The following TRAPPC9 variants were observed in gnomAD, a reference collection of about 807,000 sequenced individuals.
TRAPPC9 encodes the protein IKK2 binding protein.
TRAPPC9 carries 83 observed loss-of-function variants against 124.0 expected under a neutral mutation model. The observed-to-expected ratio is 0.67, with a 90% CI of 0.56 to 0.80. The LOEUF is 0.80. Ranked by LOEUF, TRAPPC9 falls within the 30% of genes least tolerant of loss-of-function variation. The pLI, the probability that TRAPPC9 is intolerant of heterozygous loss-of-function variation, is 0.00. For synonymous variants in TRAPPC9, 638 were observed against 617.5 expected (o/e 1.03, Z -0.49); for missense variants, 1,302 against 1,508.3 (o/e 0.86, Z 2.27).
At chr8:140,025,179 C>A (rs1249549116) in intron 17 of TRAPPC9, among the ~76,000 whole-genome samples, 1 of 152,162 alleles carries the variant, frequency 6.6e-6, no homozygotes, top group Non-Finnish European at 1.5e-5. Flanking sequence ...CCTGGGGGCA[C>A]CCAGAGTAAC....
chr8:140,073,577 G>A (rs1843315297), intron 17 of TRAPPC9, among the ~76,000 whole-genome samples: 5 of 152,210 alleles, frequency 3.3e-5, no homozygotes, highest in Admixed American at 3.3e-4. Flanking sequence ...AGAACTTTCT[G>A]GGGAGATAGA....
At chr8:140,099,248 A>C (rs1454065608) in intron 17 of TRAPPC9, 1 of 151,378 alleles carries the variant, frequency 6.6e-6, no homozygotes, top group African/African-American at 2.4e-5. Flanking sequence ...CGCAGTCCGC[A>C]GGGTACTGAC....
intron 11 of TRAPPC9, among the ~76,000 whole-genome samples, chr8:140,298,122 C>T (rs554797609): frequency 6.6e-6 from 1 of 152,274 alleles, no homozygotes; most frequent in Admixed American, 6.5e-5. Context: ...ATATGATAGC[C>T]TCTTATAAAG....
chr8:140,328,441 C>T (rs963644969), intron 9 of TRAPPC9, among the ~76,000 whole-genome samples: 2 of 151,388 alleles, frequency 1.3e-5, no homozygotes, highest in African/African-American at 4.9e-5. Flanking sequence ...AAAAAGCAAC[C>T]TGGATGAGAC....
intron 18 of TRAPPC9, among the ~76,000 whole-genome samples, chr8:140,018,135 G>A (rs544746023): frequency 2.6e-5 from 4 of 152,070 alleles, no homozygotes; most frequent in Non-Finnish European, 1.5e-5. Context: ...GAACCACCGT[G>A]CCCAGCCACC....
chr8:140,311,508 A>G, intron 9 of TRAPPC9, 134 bp from the exon 10 acceptor site: 4 of 1,036,928 alleles, frequency 3.9e-6, no homozygotes, highest in Non-Finnish European at 5.8e-6. Flanking sequence ...GCAGTGAGCA[A>G]AAGAGACCAG....
At position 140,268,100 on chromosome 8, in the gene TRAPPC9, TTA is replaced by T. The variant is rs1388905144; in HGVS notation, c.2278+7556_2278+7557del. 2.7e-5 allele frequency among the ~76,000 whole-genome samples: 4 copies of T among 149,516 alleles called. No homozygotes were observed. The Admixed American group carries it at 2.7e-4, about 10-fold the overall frequency. On this transcript the variant is annotated intron_variant, in intron 15 of 22. Coordinates refer to ENST00000438773, the MANE Select transcript of TRAPPC9 (RefSeq NM_001160372.4). ...TATACAGCAGACATTTTAGAGACAG[TTA>T]AAGAAGCTAAGCTCAATGGGCTCAG...
At chr8:140,278,866 G>C (rs979869502) in intron 14 of TRAPPC9, among the ~76,000 whole-genome samples, 1 of 152,232 alleles carries the variant, frequency 6.6e-6, no homozygotes, top group African/African-American at 2.4e-5. Context: ...GGCCTTTCCT[G>C]AGAAGTTCCC....
intron 1 of TRAPPC9, among the ~76,000 whole-genome samples, chr8:140,456,106 A>C (rs2071653344): frequency 1.3e-5 from 2 of 152,142 alleles, no homozygotes; most frequent in South Asian, 4.1e-4. Context: ...ACAAGTGTGA[A>C]TATACTAAAA....
At chr8:139,796,823 A>G (rs1025188643) in intron 21 of TRAPPC9, among the ~76,000 whole-genome samples, 3 of 152,254 alleles carry the variant, frequency 2.0e-5, no homozygotes, top group Non-Finnish European at 2.9e-5. Flanking sequence ...AGGAACTGCT[A>G]GACTGTCTTC....
intron 21 of TRAPPC9, among the ~76,000 whole-genome samples, chr8:139,826,229 C>G (rs775387146): frequency 6.6e-6 from 1 of 152,174 alleles, no homozygotes; most frequent in Non-Finnish European, 1.5e-5. Context: ...AATCAATAAA[C>G]AGGGAGTCCA....
intron 17 of TRAPPC9, among the ~76,000 whole-genome samples, chr8:140,043,019 GAACAAGAGT>G (rs1841365964): frequency 1.3e-5 from 2 of 152,124 alleles, no homozygotes. Flanking sequence ...TCGACTGGCA[GAACAAGAGT>G]CAGGGCCCAC....
chr8:140,271,983 T>C (rs948622861), intron 15 of TRAPPC9, among the ~76,000 whole-genome samples: 6 of 134,428 alleles, frequency 4.5e-5, no homozygotes, highest in African/African-American at 1.8e-4. Flanking sequence ...GCAGTAATGG[T>C]GGTGGTGGTG....
intron 17 of TRAPPC9, among the ~76,000 whole-genome samples, chr8:140,085,762 G>A (rs1462636589): frequency 6.6e-6 from 1 of 152,228 alleles, no homozygotes; most frequent in African/African-American, 2.4e-5. Flanking sequence ...GACAGCCTCT[G>A]CTGTGGGTAA....
At position 139,876,600 on chromosome 8, in the gene TRAPPC9, T is replaced by G. The variant is rs532401070; in HGVS notation, c.3055+9279A>C. ...AGTGGCTCTAAGGCAGGGATTGAGTTTATTTTTGGGTCCCCAGCACTGAGG... is the reference window on the plus strand; with the variant it reads ...AGTGGCTCTAAGGCAGGGATTGAGTGTATTTTTGGGTCCCCAGCACTGAGG... On this transcript the variant is annotated intron_variant, in intron 21 of 22. Transcript: ENST00000438773. Among the ~76,000 whole-genome samples, 28 of 152,250 alleles carry G rather than the reference T, an allele frequency of 1.8e-4. No homozygotes were observed. The South Asian group carries it at 5.8e-3, about 32-fold the overall frequency.
intron 17 of TRAPPC9, among the ~76,000 whole-genome samples, chr8:140,125,751 C>T (rs1164289173): frequency 6.6e-6 from 1 of 151,930 alleles, no homozygotes; most frequent in African/African-American, 2.4e-5. Flanking sequence ...CGTGCCACCA[C>T]ACCCAGCTAA....
At chr8:139,903,679 G>A (rs1178875459) in intron 20 of TRAPPC9, among the ~76,000 whole-genome samples, 13 of 152,128 alleles carry the variant, frequency 8.5e-5, no homozygotes, top group Non-Finnish European at 1.5e-4. Context: ...CACGGCACTC[G>A]GCATCGCGCA....
chr8:140,330,630 A>T (rs1381644464), intron 9 of TRAPPC9, among the ~76,000 whole-genome samples: 1 of 152,216 alleles, frequency 6.6e-6, no homozygotes, highest in Admixed American at 6.5e-5. Context: ...TCAGGTCACT[A>T]TAAAAACATC....
intron 20 of TRAPPC9, among the ~76,000 whole-genome samples, chr8:139,897,366 A>G (rs1433702389): frequency 6.6e-6 from 1 of 152,228 alleles, no homozygotes; most frequent in Non-Finnish European, 1.5e-5. Flanking sequence ...ATGAATGAGG[A>G]GGCAGCCCCA....
Sources: allele counts gnomAD v4.1 joint callset (sites outside exome capture counted in the v4.1 genomes callset), GRCh38; gene constraint gnomAD v4.1.1; transcripts MANE v1.5; gene names NCBI Gene and HGNC (gene_info 2026-07-23, HGNC 2026-07-21).